The following IL17RB variants were observed in gnomAD, a reference collection of about 807,000 sequenced individuals.
The protein encoded by IL17RB is interleukin-17 receptor B.
In IL17RB, 36 loss-of-function variants were observed where a neutral mutation model predicts 43.9. The observed-to-expected ratio is 0.82, with a 90% CI of 0.63 to 1.08. IL17RB has a LOEUF of 1.08. Ranked by LOEUF, IL17RB falls within the 50% of genes least tolerant of loss-of-function variation. The pLI, the probability that IL17RB is intolerant of heterozygous loss-of-function variation, is 0.00. For synonymous variants in IL17RB, 225 were observed against 225.4 expected (o/e 1.00, Z 0.02); for missense variants, 613 against 613.6 (o/e 1.00, Z 0.01).
rs1001111449 is a variant in IL17RB, at chr3:53,852,898, G to A, written c.382G>A (p.Val128Ile). 4 of 1,613,930 alleles carry A rather than the reference G, an allele frequency of 2.5e-6. No homozygotes were observed. In the Admixed American group the frequency reaches 5.0e-5, roughly 20 times the overall value. ...KWTFSYIGFP[V>I]ELNTVYFIGA... ...GACATTTTCCTACATCGGCTTCCCT[G>A]TAGAGCTGAACACAGTCTATTTCAT... is the stretch of plus-strand genomic sequence containing the variant. Residue 128 changes from valine (V) to isoleucine (I), a missense_variant, in exon 5 of 11, where the codon GTA becomes ATA. Coordinates refer to ENST00000288167, the MANE Select transcript of IL17RB (RefSeq NM_018725.4).
chr3:53,857,899 T>A, intron 8 of IL17RB: 1 of 567,104 alleles, frequency 1.8e-6, no homozygotes, highest in South Asian at 2.2e-5. Flanking sequence ...TTTGCTTGTA[T>A]TAATGGCTGC....
intron 10 of IL17RB, 185 bp downstream of exon 10, chr3:53,860,413 T>C (rs1452193145): frequency 4.6e-6 from 2 of 439,248 alleles, no homozygotes; most frequent in Non-Finnish European, 8.1e-6. Flanking sequence ...ACATGCCAGG[T>C]GAAAGCAGGG....
intron 5 of IL17RB, among the ~76,000 whole-genome samples, chr3:53,854,198 T>A (rs1699255485): frequency 6.6e-6 from 1 of 152,152 alleles, no homozygotes; most frequent in Non-Finnish European, 1.5e-5. Context: ...TACCCAGCCT[T>A]ATTTTGGAAT....
Position 53,865,174 on chromosome 3 carries a change from G to A in IL17RB, c.1375G>A (p.Ala459Thr). The A allele has an allele frequency of 6.2e-7, 1 of 1,614,104 alleles. No homozygotes were observed. Among genetic ancestry groups the A allele is most frequent in the African/African-American group, 1.3e-5 (1 of 75,026 alleles). The stretch of plus-strand genomic sequence containing the variant: ...GATTGATACAAAAGACGATTACAAT[G>A]CTCTCAGTGTCTGCCCCAAGTACCA... ...REIDTKDDYNALSVCPKYHLM... is the reference protein window; with the variant it reads ...REIDTKDDYNTLSVCPKYHLM... Residue 459 changes from alanine (A) to threonine (T), a missense_variant, in exon 11 of 11, where the codon GCT becomes ACT. Ala to Thr is a moderately conservative substitution (Grantham distance 58). Coordinates refer to ENST00000288167, the MANE Select transcript of IL17RB (RefSeq NM_018725.4).
intron 3 of IL17RB, among the ~76,000 whole-genome samples, chr3:53,850,821 AAAAT>A (rs1350064135): frequency 6.8e-6 from 1 of 148,066 alleles, no homozygotes. Context: ...AAAATAAAAT[AAAAT>A]AAAAGTCAGG....
intron 9 of IL17RB, 33 bp downstream of exon 9, chr3:53,858,851 A>G (rs954386585): frequency 3.2e-6 from 5 of 1,545,188 alleles, no homozygotes; most frequent in Non-Finnish European, 4.5e-6. Flanking sequence ...CAGATGATCA[A>G]AGTGGCTCAC....
At chr3:53,854,608 T>A (rs908304824) in intron 5 of IL17RB, among the ~76,000 whole-genome samples, 2 of 152,144 alleles carry the variant, frequency 1.3e-5, no homozygotes, top group Non-Finnish European at 2.9e-5. Flanking sequence ...CCATCAGGGG[T>A]CCATGGCACC....
chr3:53,854,430 C>G (rs1576833256), intron 5 of IL17RB, among the ~76,000 whole-genome samples: 1 of 152,204 alleles, frequency 6.6e-6, no homozygotes, highest in Non-Finnish European at 1.5e-5. Context: ...CCCTGTGTGT[C>G]TCTCCTCTGG....
chr3:53,863,948 G>A (rs976165047), intron 10 of IL17RB, among the ~76,000 whole-genome samples: 2 of 151,638 alleles, frequency 1.3e-5, no homozygotes, highest in Non-Finnish European at 2.9e-5. Context: ...TTAGCCGCCT[G>A]AGTAGCTGGG....
At position 53,856,875 on chromosome 3, in the gene IL17RB, TAAG is replaced by T. The variant is rs1189226312; in HGVS notation, c.567_569del (p.Lys189del). 2.5e-6 allele frequency: 4 copies of T among 1,614,064 alleles called. No individual in the cohort carries two copies. Among genetic ancestry groups the T allele is most frequent in the Admixed American group, 3.3e-5 (2 of 60,018 alleles). The stretch of plus-strand genomic sequence containing the variant: ...TGTGGGATCCGAACATCACTGCTTG[TAAG>T]AAGAATGAGGAGACAGTAGAAGTGA... On this transcript the variant is annotated inframe_deletion, in exon 7 of 11. Transcript: ENST00000288167.
At chr3:53,855,400 T>C (rs965426186) in intron 6 of IL17RB, 59 bp downstream of exon 6, 15 of 1,195,600 alleles carry the variant, frequency 1.3e-5, no homozygotes, top group Non-Finnish European at 1.9e-5. Flanking sequence ...TGAGGCAGCA[T>C]AGCTCTCTTC....
intron 5 of IL17RB, among the ~76,000 whole-genome samples, chr3:53,854,685 T>G (rs1390220428): frequency 3.3e-5 from 5 of 152,204 alleles, no homozygotes; most frequent in Non-Finnish European, 7.3e-5. Flanking sequence ...GACTTCTCCA[T>G]GTAAATCTAC....
Position 53,857,685 on chromosome 3 carries a change from G to A in IL17RB, c.742G>A (p.Val248Met), listed in dbSNP as rs916133107. Residue 248 changes from valine (V) to methionine (M), a missense_variant, in exon 8 of 11, where the codon GTG becomes ATG. Coordinates refer to ENST00000288167, the MANE Select transcript of IL17RB (RefSeq NM_018725.4). ...GACTGGGGATAGTGAAGGTGCTACG[G>A]TGCAGGTAAAGTTCAGTGAGCTGCT... Reference protein sequence around the residue: ...PVTGDSEGATVQLTPYFPTCG... With the variant: ...PVTGDSEGATMQLTPYFPTCG... 6.2e-7 allele frequency: 1 copy of A among 1,613,782 alleles called. No individual in the cohort carries two copies. Among genetic ancestry groups the A allele is most frequent in the African/African-American group, 1.3e-5 (1 of 74,926 alleles).
At chr3:53,859,673 T>A (rs574180301) in intron 9 of IL17RB, 1 of 153,840 alleles carries the variant, frequency 6.5e-6, no homozygotes, top group African/African-American at 2.4e-5. Context: ...TAGTTCCTAC[T>A]GTGAAAATGC....
At position 53,857,606 on chromosome 3, in the gene IL17RB, CT is replaced by C; in HGVS notation, c.673-9del. The stretch of plus-strand genomic sequence containing the variant: ...GGCACCTCATAATTCTTGACTCTCT[CT>C]CTCTTAAGCCACACCAGAAGAAACA... On this transcript the variant is annotated splice_polypyrimidine_tract_variant and intron_variant, in intron 7 of 10. Coordinates refer to ENST00000288167, the MANE Select transcript of IL17RB (RefSeq NM_018725.4). 6.2e-7 allele frequency: 1 copy of C among 1,613,710 alleles called. No individual in the cohort carries two copies. Among genetic ancestry groups the C allele is most frequent in the South Asian group, 1.1e-5 (1 of 91,070 alleles).
intron 1 of IL17RB, 111 bp from the exon 2 acceptor site, chr3:53,848,553 T>A (rs920971198): frequency 9.7e-7 from 1 of 1,030,372 alleles, no homozygotes; most frequent in Non-Finnish European, 1.5e-6. Flanking sequence ...CTTTGAAAGT[T>A]TGTCACTTGT....
chr3:53,860,945 C>G (rs1699541687), intron 10 of IL17RB: 1 of 152,140 alleles, frequency 6.6e-6, no homozygotes, highest in Non-Finnish European at 1.5e-5. Flanking sequence ...TTGAGAGAAA[C>G]GTGAGCATAA....
At chr3:53,858,281 G>C (rs889498319) in intron 8 of IL17RB, 16 of 890,772 alleles carry the variant, frequency 1.8e-5, no homozygotes, top group Non-Finnish European at 2.1e-5. Flanking sequence ...ACCAGAGGGG[G>C]CAGGCACCAG....
intron 9 of IL17RB, chr3:53,859,075 T>C (rs1699460239): frequency 2.7e-6 from 1 of 366,706 alleles, no homozygotes; most frequent in African/African-American, 2.1e-5. Flanking sequence ...AAATACACAG[T>C]GCAAAATGGA....
Sources: allele counts gnomAD v4.1 joint callset (sites outside exome capture counted in the v4.1 genomes callset), GRCh38; gene constraint gnomAD v4.1.1; transcripts MANE v1.5; gene names NCBI Gene and HGNC (gene_info 2026-07-23, HGNC 2026-07-21).